The following CEP41 variants were observed in gnomAD, a reference collection of about 807,000 sequenced individuals.
CEP41 encodes centrosomal protein of 41 kDa.
CEP41 carries 32 observed loss-of-function variants against 44.3 expected under a neutral mutation model. That is an observed-to-expected ratio of 0.72 (90% CI 0.54 to 0.97). CEP41 has a LOEUF of 0.97. Ranked by LOEUF, CEP41 falls within the 50% of genes least tolerant of loss-of-function variation. The pLI, the probability that CEP41 is intolerant of heterozygous loss-of-function variation, is 0.00. For synonymous variants in CEP41, 151 were observed against 168.5 expected (o/e 0.90, Z 0.80); for missense variants, 432 against 455.2 (o/e 0.95, Z 0.46).
At chr7:130,407,615 T>C (rs1797054736) in intron 5 of CEP41, among the ~76,000 whole-genome samples, 2 of 152,176 alleles carry the variant, frequency 1.3e-5, no homozygotes. Flanking sequence ...ACTGAGTATA[T>C]GGTGCTAGGA....
chr7:130,405,630 A>G (rs908711836), intron 5 of CEP41, among the ~76,000 whole-genome samples: 2 of 152,242 alleles, frequency 1.3e-5, no homozygotes, highest in African/African-American at 2.4e-5. Context: ...GAAGATCTTC[A>G]TAACTCAGTG....
Position 130,396,194 on chromosome 7 carries a change from G to A in CEP41, c.*2697C>T. The A allele has an allele frequency of 2.2e-6, 1 of 453,916 alleles. No individual in the cohort carries two copies. Among genetic ancestry groups the A allele is most frequent in the South Asian group, 1.6e-5 (1 of 64,464 alleles). 28.1% of individuals were successfully genotyped at this position (453,916 alleles called of 1,614,324 possible). A position where few individuals can be genotyped will look rare whatever the true frequency, so the allele number is the denominator to read the frequency against. Reference sequence around the variant, plus strand: ...CATCACTGCTGTTCAGGGTGCTGTAGTTGTACATCGATGAAGCACCTTCTG... The same window carrying A: ...CATCACTGCTGTTCAGGGTGCTGTAATTGTACATCGATGAAGCACCTTCTG... On this transcript the variant is annotated 3_prime_UTR_variant, in exon 11 of 11. Transcript: ENST00000223208.
Position 130,397,593 on chromosome 7 carries a change from C to T in CEP41, c.*1298G>A, listed in dbSNP as rs1355746908. On this transcript the variant is annotated 3_prime_UTR_variant, in exon 11 of 11. Transcript: ENST00000223208. ...TACCCCGTAGCAGTTACCAGCAGGA[C>T]AGGCAATTTTCAGTGGGCTTTTCAG... 1 of 438,576 alleles carries T rather than the reference C, an allele frequency of 2.3e-6. No individual in the cohort carries two copies. Among genetic ancestry groups the T allele is most frequent in the Non-Finnish European group, 4.4e-6 (1 of 224,936 alleles). The allele number at this position is 438,576 out of a possible 1,614,324, so 27.2% of individuals were successfully genotyped here.
chr7:130,421,310 A>G (rs1350384520), intron 2 of CEP41: 9 of 985,364 alleles, frequency 9.1e-6, no homozygotes, highest in Non-Finnish European at 1.1e-5. Context: ...CTCAGTTGCT[A>G]AGAGACAACT....
At chr7:130,403,624 A>G (rs2117569583) in intron 6 of CEP41, among the ~76,000 whole-genome samples, 1 of 152,362 alleles carries the variant, frequency 6.6e-6, no homozygotes, top group South Asian at 2.1e-4. Flanking sequence ...TAAGACTCAT[A>G]TGCTAAATCA....
chr7:130,429,094 T>C (rs563869894), intron 1 of CEP41, among the ~76,000 whole-genome samples: 1 of 152,242 alleles, frequency 6.6e-6, no homozygotes, highest in Non-Finnish European at 1.5e-5. Flanking sequence ...TCACTTTCTT[T>C]ATGATGGTTT....
intron 1 of CEP41, among the ~76,000 whole-genome samples, chr7:130,430,568 G>A (rs936812068): frequency 2.0e-5 from 3 of 152,126 alleles, no homozygotes; most frequent in Non-Finnish European, 4.4e-5. Flanking sequence ...GTAAAAGAAG[G>A]AAAACATACA....
chr7:130,433,175 A>G (rs1257809414), intron 1 of CEP41, among the ~76,000 whole-genome samples: 1 of 152,232 alleles, frequency 6.6e-6, no homozygotes, highest in African/African-American at 2.4e-5. Context: ...GCCCTGGTGG[A>G]AGCAGCTATG....
chr7:130,399,118 T>A (rs1554416218), intron 10 of CEP41, 79 bp from the exon 11 acceptor site: 2 of 1,567,176 alleles, frequency 1.3e-6, no homozygotes, highest in African/African-American at 2.7e-5. Context: ...TTTAAGCTAA[T>A]GAAGTCCTAG....
rs146747229 is a variant in CEP41 at position 130,419,610 on chromosome 7, C to T, written c.98-2644G>A. The stretch of plus-strand genomic sequence containing the variant: ...AAAAATTGAAATTACACATTACTGC[C>T]AGATACATTTTCCCAGATAAGACTT... On this transcript the variant is annotated intron_variant, in intron 2 of 10. Transcript: ENST00000223208. The T allele has an allele frequency of 2.0e-4, 195 of 984,280 alleles. No homozygotes were observed. The African/African-American group carries it at 3.1e-3, about 16-fold the overall frequency. 61.0% of individuals were successfully genotyped at this position (984,280 alleles called of 1,614,324 possible).
chr7:130,441,288 G>C (rs1554427896), upstream of CEP41: 16 of 404,058 alleles, frequency 4.0e-5, no homozygotes, highest in South Asian at 1.5e-4. Flanking sequence ...CCTGCGCAAA[G>C]CCGGGGGCGG....
intron 5 of CEP41, among the ~76,000 whole-genome samples, chr7:130,410,176 C>T (rs1327979001): frequency 2.6e-5 from 4 of 151,980 alleles, no homozygotes; most frequent in Non-Finnish European, 5.9e-5. Context: ...CAGGTGCACA[C>T]CACCGTGCCT....
chr7:130,411,032 C>A, intron 5 of CEP41, 90 bp downstream of exon 5: 1 of 1,097,894 alleles, frequency 9.1e-7, no homozygotes. Flanking sequence ...AAGTCCCAGT[C>A]CCTGGGAACA....
At chr7:130,416,812 A>G (rs2117626711) in intron 3 of CEP41, 107 bp downstream of exon 3, 1 of 900,812 alleles carries the variant, frequency 1.1e-6, no homozygotes, top group Admixed American at 1.7e-5. Context: ...CGGACCATCC[A>G]TAGCTCTCTG....
chr7:130,428,192 G>A (rs763242743), intron 1 of CEP41, among the ~76,000 whole-genome samples, 174 bp from the exon 2 acceptor site: 4 of 152,060 alleles, frequency 2.6e-5, no homozygotes, highest in Admixed American at 2.6e-4. Context: ...AGGAGGCCGA[G>A]GTGGGTGGAT....
At chr7:130,415,305 T>G (rs566380342) in intron 3 of CEP41, among the ~76,000 whole-genome samples, 1 of 152,178 alleles carries the variant, frequency 6.6e-6, no homozygotes, top group Admixed American at 6.5e-5. Context: ...CAAGGGAATA[T>G]TCTCCTCCCT....
intron 2 of CEP41, among the ~76,000 whole-genome samples, chr7:130,423,441 G>C (rs929703715): frequency 6.6e-6 from 1 of 152,144 alleles, no homozygotes; most frequent in African/African-American, 2.4e-5. Context: ...TGCCCACAAA[G>C]ATGGTAATCA....
At position 130,398,097 on chromosome 7, in the gene CEP41, C is replaced by T. The variant is rs1554415606; in HGVS notation, c.*794G>A. On this transcript the variant is annotated 3_prime_UTR_variant, in exon 11 of 11. Coordinates refer to ENST00000223208, the MANE Select transcript of CEP41 (RefSeq NM_018718.3). ...GGCAATGGGCGTCATAACTGATATA[C>T]TGACCACAAGTGAGGGCCGCTTTGG... The T allele has an allele frequency of 2.2e-6, 1 of 454,124 alleles. No individual in the cohort carries two copies. 28.1% of individuals were successfully genotyped at this position (454,124 alleles called of 1,614,324 possible). A position where few individuals can be genotyped will look rare whatever the true frequency, so the allele number is the denominator to read the frequency against.
intron 2 of CEP41, chr7:130,420,328 CA>C (rs35795256): frequency 0.31 from 23,828 of 77,500 alleles, 2,128 homozygotes; most frequent in African/African-American, 0.43. Context: ...GACTCTATCT[CA>C]AAAAAAAAAA....
Sources: gnomAD v4.1 joint callset for allele counts (sites outside exome capture counted in the v4.1 genomes callset) on GRCh38, gnomAD v4.1.1 for gene constraint, MANE v1.5 for transcripts, NCBI Gene and HGNC (gene_info 2026-07-23, HGNC 2026-07-21) for gene names.